The following DSCAML1 variants were observed in gnomAD, a reference collection of about 807,000 sequenced individuals.
The protein encoded by DSCAML1 is cell adhesion molecule DSCAML1.
DSCAML1 carries 38 observed loss-of-function variants against 200.5 expected under a neutral mutation model. The ratio of observed to expected loss-of-function variants is 0.19; its 90% CI spans 0.15 to 0.25. The LOEUF is 0.25. Ranked by LOEUF, DSCAML1 falls within the 10% of genes least tolerant of loss-of-function variation. DSCAML1 has a pLI of 1.00. For synonymous variants in DSCAML1, 1,215 were observed against 1,165.0 expected, an observed-to-expected ratio of 1.04 and a Z score of -0.87; for missense variants, 2,223 against 2,858.8, an observed-to-expected ratio of 0.78 and a Z score of 5.07.
chr11:117,432,533 T>G (rs1334702602), intron 29 of DSCAML1, 29 bp from the exon 30 acceptor site: 1 of 1,597,038 alleles, frequency 6.3e-7, no homozygotes. Context: ...TTACTGGGAG[T>G]CCTTTACAAT....
At chr11:117,635,052 A>T (rs1195366999) in intron 3 of DSCAML1, among the ~76,000 whole-genome samples, 1 of 152,244 alleles carries the variant, frequency 6.6e-6, no homozygotes, top group East Asian at 1.9e-4. Context: ...TAGGTCGCAC[A>T]ACAGTCAGCA....
chr11:117,464,998 T>C lies in DSCAML1; in HGVS notation c.3209A>G (p.Asn1070Ser), dbSNP rs780484270. ...AQYGVVVQAF[N>S]RAGTGPSSSE... ...GGAAGAGGGCCCCGTGCCAGCCCGA[T>C]TGAAGGCTTGGACCACCACCCCATA... is the stretch of plus-strand genomic sequence containing the variant. Residue 1070 changes from asparagine to serine, a missense_variant, in exon 17 of 33, where the codon AAT becomes AGT. Around this residue, in one of 7 missense-constraint regions of DSCAML1, gnomAD observed 438 missense variants for 629.7 expected, o/e 0.70. Coordinates refer to ENST00000651296, the MANE Select transcript of DSCAML1 (RefSeq NM_020693.4). 41 of 1,614,086 alleles carry C rather than the reference T, an allele frequency of 2.5e-5. No homozygotes were observed. Among genetic ancestry groups the C allele is most frequent in the South Asian group, 6.6e-5 (6 of 91,076 alleles).
chr11:117,480,545 T>A lies in DSCAML1; in HGVS notation c.2683A>T (p.Ile895Phe). 6.3e-7 allele frequency: 1 copy of A among 1,575,216 alleles called. No homozygotes were observed. The change falls in exon 14 of 33, where the codon ATC becomes TTC. Residue 895 changes from isoleucine (I) to phenylalanine (F), a missense_variant. Around this residue, in one of 7 missense-constraint regions of DSCAML1, gnomAD observed 438 missense variants for 629.7 expected, o/e 0.70. Coordinates refer to ENST00000651296, the MANE Select transcript of DSCAML1 (RefSeq NM_020693.4). This position sits in a 1 kb window ranked among gnomAD's most constrained non-coding sequence, Gnocchi z 4.1. Reference sequence around the variant, plus strand: ...ATGCTCCGGGCCTTCACCTCCCGGATCTCCAGCTCTGGGGGGTCGGGGGGC... The same window carrying A: ...ATGCTCCGGGCCTTCACCTCCCGGAACTCCAGCTCTGGGGGGTCGGGGGGC... ...QEPPDPPELE[I>F]REVKARSMNL... is the part of the protein sequence containing the mutation.
chr11:117,457,881 C>T (rs1400660185), intron 19 of DSCAML1, among the ~76,000 whole-genome samples: 1 of 152,238 alleles, frequency 6.6e-6, no homozygotes, highest in African/African-American at 2.4e-5. Context: ...AGCCACCATG[C>T]CAAGGATGTC....
At chr11:117,710,787 C>T (rs551810312) in intron 3 of DSCAML1, among the ~76,000 whole-genome samples, 7 of 152,116 alleles carry the variant, frequency 4.6e-5, no homozygotes, top group African/African-American at 1.7e-4. Flanking sequence ...TTGGATGGGC[C>T]CTGTGGACAA....
rs540635298 is a variant in DSCAML1, at chr11:117,437,036, C to T, written c.4720+86G>A. 6.0e-6 allele frequency: 9 copies of T among 1,503,774 alleles called. No individual in the cohort carries two copies. The African/African-American group carries it at 8.3e-5, about 14-fold the overall frequency. The allele number at this position is 1,503,774 out of a possible 1,614,324, so 93.2% of individuals were successfully genotyped here. On this transcript the variant is annotated intron_variant, in intron 26 of 32. Transcript: ENST00000651296. The surrounding 1 kb of genome is among the most constrained non-coding windows in gnomAD (Gnocchi z 5.3). ...CCTGCCTGTTTTTCTATTAGTCTGT[C>T]TCTTTATGTATCTGCCACTCTGCCC...
At chr11:117,474,124 T>C (rs543943436) in intron 14 of DSCAML1, among the ~76,000 whole-genome samples, 4 of 152,302 alleles carry the variant, frequency 2.6e-5, no homozygotes, top group South Asian at 2.1e-4. Flanking sequence ...AGGTGCAGCG[T>C]TGGGCAATTT....
intron 1 of DSCAML1, among the ~76,000 whole-genome samples, chr11:117,814,048 C>T (rs1009729205): frequency 7.9e-5 from 12 of 152,174 alleles, no homozygotes; most frequent in Non-Finnish European, 1.2e-4. Context: ...TGATTTGTTT[C>T]TGCCCCACCT....
intron 3 of DSCAML1, among the ~76,000 whole-genome samples, chr11:117,654,441 G>T (rs1233415598): frequency 6.6e-6 from 1 of 152,172 alleles, no homozygotes; most frequent in East Asian, 1.9e-4. Context: ...CACATTCTGG[G>T]CACACTATCG....
chr11:117,612,880 G>A (rs1176377942), intron 3 of DSCAML1, among the ~76,000 whole-genome samples: 1 of 152,180 alleles, frequency 6.6e-6, no homozygotes, highest in Non-Finnish European at 1.5e-5. Context: ...GTTGAGGGAG[G>A]CAGAGAGCAG....
At position 117,453,746 on chromosome 11, in the gene DSCAML1, C is replaced by CTT. The variant is rs138176049; in HGVS notation, c.3569-3060_3569-3059dup. On this transcript the variant is annotated intron_variant, in intron 19 of 32. Transcript: ENST00000651296. ...TGTGGATTTCTTTCTTTCTTTCTTT[C>CTT]TTTTTTTTTTTTTTTTGAGATAGAG... 6.0e-3 allele frequency among the ~76,000 whole-genome samples: 823 copies of CTT among 138,164 alleles called. 14 individuals carry two copies. Among genetic ancestry groups the CTT allele is most frequent in the East Asian group, 0.04 (183 of 4,574 alleles). The allele number at this position is 138,164 out of a possible 152,430, so 90.6% of individuals were successfully genotyped here.
Position 117,780,575 on chromosome 11 carries a change from G to A in DSCAML1, c.282C>T (p.Ser94=). 2.5e-6 allele frequency: 4 copies of A among 1,573,586 alleles called. No individual in the cohort carries two copies. Among genetic ancestry groups the A allele is most frequent in the Non-Finnish European group, 1.7e-6 (2 of 1,158,178 alleles). ...AGAAGTAGTCATTGTCGTGGATAAA[G>A]CTATTGAAGGCGGAGGGGGAGAAGG... is the stretch of plus-strand genomic sequence containing the variant. ...LYPFSPSAFN[S]FIHDNDYFCT... The change falls in exon 2 of 33, where the codon AGC becomes AGT. Residue 94 remains serine, a synonymous_variant. Coordinates refer to ENST00000651296, the MANE Select transcript of DSCAML1 (RefSeq NM_020693.4). This position sits in a 1 kb window ranked among gnomAD's most constrained non-coding sequence, Gnocchi z 4.8.
At chr11:117,605,864 A>C (rs1035694962) in intron 3 of DSCAML1, among the ~76,000 whole-genome samples, 1 of 151,896 alleles carries the variant, frequency 6.6e-6, no homozygotes, top group Non-Finnish European at 1.5e-5. Flanking sequence ...GAGTCACTTA[A>C]TCTCCCTGAG....
intron 30 of DSCAML1, 50 bp downstream of exon 30, chr11:117,432,302 C>G (rs2047817023): frequency 6.4e-7 from 1 of 1,563,734 alleles, no homozygotes; most frequent in Non-Finnish European, 8.7e-7. Flanking sequence ...ATGCTATGCC[C>G]AAGCCACCCC....
At chr11:117,667,496 G>A (rs1202590788) in intron 3 of DSCAML1, among the ~76,000 whole-genome samples, 2 of 152,202 alleles carry the variant, frequency 1.3e-5, no homozygotes, top group Non-Finnish European at 2.9e-5. Flanking sequence ...AGCTTGCCAG[G>A]GTGGCCGGGG....
intron 3 of DSCAML1, among the ~76,000 whole-genome samples, chr11:117,571,339 G>C (rs1470414061): frequency 6.6e-6 from 1 of 152,192 alleles, no homozygotes; most frequent in African/African-American, 2.4e-5. Context: ...GTATTACTGT[G>C]CCCATTTCAC....
At chr11:117,810,471 TCTG>T (rs2055752147) in intron 1 of DSCAML1, among the ~76,000 whole-genome samples, 1 of 152,012 alleles carries the variant, frequency 6.6e-6, no homozygotes, top group African/African-American at 2.4e-5. Flanking sequence ...CAACCCTTTC[TCTG>T]CTTTTCTGGA....
At chr11:117,744,360 G>A (rs1439235503) in intron 3 of DSCAML1, among the ~76,000 whole-genome samples, 4 of 152,220 alleles carry the variant, frequency 2.6e-5, no homozygotes, top group Non-Finnish European at 5.9e-5. Context: ...CACGACACTT[G>A]TTAAATGCAG....
chr11:117,451,826 A>AAT (rs1023986439), intron 19 of DSCAML1, among the ~76,000 whole-genome samples: 2 of 137,092 alleles, frequency 1.5e-5, no homozygotes, highest in African/African-American at 5.6e-5. Flanking sequence ...AAAAAAAAAA[A>AAT]AATAATAAAG....
Sources: gnomAD v4.1 joint callset for allele counts (sites outside exome capture counted in the v4.1 genomes callset) on GRCh38, gnomAD v4.1.1 for gene constraint, gnomAD v4.1.1 regional missense constraint, Gnocchi (gnomAD v3.1) non-coding constraint, MANE v1.5 for transcripts, NCBI Gene and HGNC (gene_info 2026-07-23, HGNC 2026-07-21) for gene names.